PCDH9: variants seen among roughly 807,000 people sequenced by gnomAD.
PCDH9 encodes protocadherin-9.
Under a neutral mutation model 70.6 loss-of-function variants are expected in PCDH9, and 24 were observed. That is an observed-to-expected ratio of 0.34 (90% CI 0.25 to 0.48). The LOEUF is 0.48. PCDH9 is among the 20% of genes least tolerant of loss of function. The probability of loss-of-function intolerance (pLI) is 0.99; values close to 1 mark genes in which losing one functional copy is unlikely to be tolerated. For missense variants in PCDH9, 1,281 were observed against 1,503.6 expected (o/e 0.85, Z 2.45); for synonymous variants, 562 against 558.5 (o/e 1.01, Z -0.09).
intron 2 of PCDH9, among the ~76,000 whole-genome samples, chr13:67,120,582 C>T (rs9599183): frequency 0.22 from 33,921 of 152,078 alleles, 4,003 homozygotes; most frequent in Middle Eastern, 0.27. Context: ...TGTTCCCCTT[C>T]ACAACAAATC....
intron 2 of PCDH9, among the ~76,000 whole-genome samples, chr13:67,070,169 G>A (rs1029714727): frequency 1.3e-4 from 20 of 150,944 alleles, no homozygotes; most frequent in African/African-American, 4.1e-4. Context: ...CCTACATATC[G>A]TTACCTTGTT....
intron 4 of PCDH9, among the ~76,000 whole-genome samples, chr13:66,569,068 C>T (rs2076695959): frequency 7.7e-6 from 1 of 130,650 alleles, no homozygotes; most frequent in South Asian, 2.7e-4. Flanking sequence ...GTGGCACGAT[C>T]TCAACTCACT....
chr13:67,222,907 GAA>G (rs1443204410), intron 2 of PCDH9: 1 of 152,074 alleles, frequency 6.6e-6, no homozygotes, highest in Non-Finnish European at 1.5e-5. Context: ...TCATTCATAG[GAA>G]ATATGCTTCT....
chr13:66,559,288 T>C (rs908755368), intron 4 of PCDH9, among the ~76,000 whole-genome samples: 1 of 141,634 alleles, frequency 7.1e-6, no homozygotes, highest in African/African-American at 2.5e-5. Flanking sequence ...GAGCTCATAT[T>C]TCCTGAACTC....
At chr13:66,877,663 T>C (rs2081842240) in intron 3 of PCDH9, among the ~76,000 whole-genome samples, 1 of 152,312 alleles carries the variant, frequency 6.6e-6, no homozygotes, top group East Asian at 1.9e-4. Flanking sequence ...ATGGTTAGTT[T>C]TATGCTTAAA....
At chr13:66,982,063 ATGATAG>A (rs2083783301) in intron 2 of PCDH9, among the ~76,000 whole-genome samples, 1 of 152,122 alleles carries the variant, frequency 6.6e-6, no homozygotes, top group Non-Finnish European at 1.5e-5. Context: ...TGCTGTCTTC[ATGATAG>A]TGAGTTCTCC....
At chr13:66,665,688 T>C (rs920977520) in intron 3 of PCDH9, among the ~76,000 whole-genome samples, 1 of 152,184 alleles carries the variant, frequency 6.6e-6, no homozygotes, top group African/African-American at 2.4e-5. Context: ...GGTCATCTTA[T>C]GTTCTGTGCT....
chr13:66,551,263 G>C (rs1770652064), intron 4 of PCDH9, among the ~76,000 whole-genome samples: 2 of 152,272 alleles, frequency 1.3e-5, no homozygotes, highest in South Asian at 4.2e-4. Flanking sequence ...AGGGAAGCTA[G>C]ATTGTTATTT....
chr13:67,164,655 C>T lies in PCDH9; in HGVS notation c.3036+60750G>A, dbSNP rs138194250. 2.9e-3 allele frequency among the ~76,000 whole-genome samples: 434 copies of T among 152,234 alleles called. 2 individuals are homozygous for T. Among genetic ancestry groups the T allele is most frequent in the African/African-American group, 1.0e-2 (414 of 41,540 alleles). ...TGTGATGTGCTGTTGCAAACTCTCC[C>T]TACCCTTCCAGGTGCCTGCACTCTG... On this transcript the variant is annotated intron_variant, in intron 2 of 4. Coordinates refer to ENST00000377865, the MANE Select transcript of PCDH9 (RefSeq NM_203487.3).
chr13:66,414,507 C>T (rs1957428959), intron 4 of PCDH9, among the ~76,000 whole-genome samples: 1 of 152,180 alleles, frequency 6.6e-6, no homozygotes, highest in Non-Finnish European at 1.5e-5. Context: ...ACGATGGATC[C>T]TAAGGTAGAC....
intron 2 of PCDH9, among the ~76,000 whole-genome samples, chr13:67,050,393 C>T (rs1279457724): frequency 6.6e-6 from 1 of 152,144 alleles, no homozygotes; most frequent in Non-Finnish European, 1.5e-5. Flanking sequence ...TTTTAGTTTA[C>T]ATTTGCAAAT....
chr13:66,878,266 G>T (rs1328659801), intron 3 of PCDH9, among the ~76,000 whole-genome samples: 2 of 151,016 alleles, frequency 1.3e-5, no homozygotes, highest in Non-Finnish European at 2.9e-5. Context: ...TCATTCTGTC[G>T]CCCAGGCTGG....
At chr13:66,505,134 T>C (rs924666274) in intron 4 of PCDH9, among the ~76,000 whole-genome samples, 2 of 152,224 alleles carry the variant, frequency 1.3e-5, no homozygotes, top group Admixed American at 1.3e-4. Flanking sequence ...TTCTCAGTCT[T>C]AGATATTACT....
At chr13:66,504,177 C>T (rs7335567) in intron 4 of PCDH9, among the ~76,000 whole-genome samples, 3,035 of 152,308 alleles carry the variant, frequency 0.02, 103 homozygotes, top group African/African-American at 0.068. Context: ...AAGGCCTTGG[C>T]CAATCCTTTT....
chr13:66,726,012 A>ACGTATACAATGACAGGGAATAATGCTT (rs2079000895), intron 3 of PCDH9, among the ~76,000 whole-genome samples: 1 of 152,222 alleles, frequency 6.6e-6, no homozygotes, highest in Non-Finnish European at 1.5e-5. Context: ...TTTTGCATCA[A>ACGTATACAATGACAGGGAATAATGCTT]CGTATACAAT....
At chr13:66,771,685 C>T (rs1360902740) in intron 3 of PCDH9, among the ~76,000 whole-genome samples, 8 of 152,156 alleles carry the variant, frequency 5.3e-5, no homozygotes, top group African/African-American at 1.7e-4. Flanking sequence ...GCAGTCAACT[C>T]GAACTAGGTT....
At chr13:66,398,177 C>T (rs1163547553) in intron 4 of PCDH9, among the ~76,000 whole-genome samples, 16 of 151,946 alleles carry the variant, frequency 1.1e-4, no homozygotes, top group African/African-American at 3.1e-4. Flanking sequence ...TTAAACAAAA[C>T]ATGGAGTGAG....
intron 2 of PCDH9, among the ~76,000 whole-genome samples, chr13:67,170,696 C>T (rs941285733): frequency 2.0e-5 from 3 of 152,110 alleles, no homozygotes; most frequent in South Asian, 4.2e-4. Context: ...AGGTCGAGGC[C>T]GGCGGAATGC....
chr13:67,136,485 G>C (rs2087235525), intron 2 of PCDH9, among the ~76,000 whole-genome samples: 1 of 152,118 alleles, frequency 6.6e-6, no homozygotes, highest in African/African-American at 2.4e-5. Context: ...TAGACCTGCA[G>C]GTGGTCCTTT....
Sources: allele counts gnomAD v4.1 joint callset (sites outside exome capture counted in the v4.1 genomes callset), GRCh38; gene constraint gnomAD v4.1.1; transcripts MANE v1.5; gene names NCBI Gene and HGNC (gene_info 2026-07-23, HGNC 2026-07-21).